The following GLI3 variants were observed in gnomAD, a reference collection of about 807,000 sequenced individuals.
GLI3 encodes transcription activator GLI3.
Under a neutral mutation model 100.8 loss-of-function variants are expected in GLI3, and 20 were observed. The observed-to-expected ratio is 0.20, with a 90% confidence interval of 0.14 to 0.29. The LOEUF is 0.29. Among genes scored for constraint, GLI3 ranks in the 10% least tolerant of loss-of-function variants. GLI3 has a pLI of 1.00. For missense variants in GLI3, 2,040 were observed against 2,128.5 expected (o/e 0.96, Z 0.82); for synonymous variants, 938 against 860.5 (o/e 1.09, Z -1.58).
At chr7:42,166,463 C>A (rs932002046) in intron 2 of GLI3, among the ~76,000 whole-genome samples, 5 of 152,038 alleles carry the variant, frequency 3.3e-5, no homozygotes, top group Admixed American at 2.6e-4. Flanking sequence ...TCTTTCTGAT[C>A]GGGATGAGGC....
intron 3 of GLI3, among the ~76,000 whole-genome samples, chr7:42,112,764 G>T (rs2128767177): frequency 6.6e-6 from 1 of 151,966 alleles, no homozygotes; most frequent in African/African-American, 2.4e-5. Flanking sequence ...TATGAAGAAG[G>T]TACCACTGCC....
chr7:42,109,810 C>T (rs973487861), intron 3 of GLI3, among the ~76,000 whole-genome samples: 2 of 152,180 alleles, frequency 1.3e-5, no homozygotes, highest in Non-Finnish European at 2.9e-5. Flanking sequence ...CTAAAATGGG[C>T]ACAATCAGCA....
At chr7:42,107,556 T>C (rs1785604695) in intron 3 of GLI3, among the ~76,000 whole-genome samples, 1 of 152,140 alleles carries the variant, frequency 6.6e-6, no homozygotes, top group African/African-American at 2.4e-5. Flanking sequence ...AGAATGGCAC[T>C]GAGGGCAGGC....
At chr7:42,192,747 G>A (rs1355724672) in intron 2 of GLI3, among the ~76,000 whole-genome samples, 1 of 152,194 alleles carries the variant, frequency 6.6e-6, no homozygotes, top group African/African-American at 2.4e-5. Context: ...AGGAGGGGAA[G>A]GCCTCCTAAT....
intron 2 of GLI3, among the ~76,000 whole-genome samples, chr7:42,220,143 G>T (rs1583657741): frequency 1.3e-5 from 2 of 152,082 alleles, no homozygotes; most frequent in East Asian, 3.9e-4. Flanking sequence ...TGAGCCACCG[G>T]GCCTGGCCGA....
intron 2 of GLI3, among the ~76,000 whole-genome samples, chr7:42,196,423 G>A (rs567188925): frequency 2.0e-5 from 3 of 152,248 alleles, no homozygotes; most frequent in East Asian, 1.9e-4. Context: ...CTACAAAGGC[G>A]TCCTGATTAA....
chr7:42,206,890 A>C (rs1788167182), intron 2 of GLI3, among the ~76,000 whole-genome samples: 2 of 152,188 alleles, frequency 1.3e-5, no homozygotes. Context: ...TTTTTTAAAA[A>C]AGAGACTTCA....
At chr7:42,035,285 A>C (rs994555996) in intron 7 of GLI3, among the ~76,000 whole-genome samples, 27 of 152,326 alleles carry the variant, frequency 1.8e-4, no homozygotes, top group African/African-American at 6.3e-4. Flanking sequence ...GGAGCTATGG[A>C]GGCCGAGCTG....
At chr7:42,167,551 T>G (rs970721412) in intron 2 of GLI3, among the ~76,000 whole-genome samples, 5 of 152,214 alleles carry the variant, frequency 3.3e-5, no homozygotes, top group African/African-American at 1.2e-4. Context: ...TATATACACT[T>G]GAAAGATTAA....
intron 7 of GLI3, among the ~76,000 whole-genome samples, chr7:42,037,569 G>A (rs1214747686): frequency 6.6e-6 from 1 of 152,132 alleles, no homozygotes; most frequent in Non-Finnish European, 1.5e-5. Context: ...TAGACATATA[G>A]TCCTAAAATA....
chr7:42,091,096 G>A (rs1235399557), intron 3 of GLI3, among the ~76,000 whole-genome samples: 3 of 152,220 alleles, frequency 2.0e-5, no homozygotes. Context: ...GTTACGCGCA[G>A]TAGCCGTCTT....
At chr7:42,039,871 T>C (rs1784095846) in intron 7 of GLI3, among the ~76,000 whole-genome samples, 167 bp downstream of exon 7, 1 of 152,206 alleles carries the variant, frequency 6.6e-6, no homozygotes, top group Admixed American at 6.5e-5. Flanking sequence ...CAATAACTGG[T>C]TTTGCAATTC....
At chr7:42,142,360 C>G (rs1417425947) in intron 3 of GLI3, among the ~76,000 whole-genome samples, 1 of 152,128 alleles carries the variant, frequency 6.6e-6, no homozygotes, top group Non-Finnish European at 1.5e-5. Flanking sequence ...GAAGAGAGGA[C>G]TGGACCAGTG....
At chr7:42,079,667 G>A (rs1310068222) in intron 3 of GLI3, among the ~76,000 whole-genome samples, 1 of 152,162 alleles carries the variant, frequency 6.6e-6, no homozygotes, top group Non-Finnish European at 1.5e-5. Flanking sequence ...CAGTTTATGC[G>A]GCTGTTTTGA....
intron 2 of GLI3, among the ~76,000 whole-genome samples, chr7:42,214,899 G>C (rs938434514): frequency 2.0e-5 from 3 of 149,462 alleles, no homozygotes; most frequent in Non-Finnish European, 1.5e-5. Context: ...AATAGCAGAT[G>C]CTTTAGGTTG....
At chr7:42,096,609 C>T (rs1785343554) in intron 3 of GLI3, among the ~76,000 whole-genome samples, 1 of 152,212 alleles carries the variant, frequency 6.6e-6, no homozygotes, top group East Asian at 1.9e-4. Flanking sequence ...TAAGATCCTC[C>T]AAGAGCGGGT....
intron 2 of GLI3, among the ~76,000 whole-genome samples, chr7:42,208,020 G>T (rs188770264): frequency 7.9e-4 from 120 of 152,190 alleles, no homozygotes; most frequent in Non-Finnish European, 1.3e-3. Context: ...TTAGCGAGGC[G>T]TGGTGGCACG....
chr7:42,040,284 C>G (rs1218573453), intron 6 of GLI3, 45 bp from the exon 7 acceptor site: 4 of 1,344,354 alleles, frequency 3.0e-6, no homozygotes, highest in African/African-American at 2.9e-5. Context: ...CAGTTGGACT[C>G]TATACCAGCT....
At chr7:42,250,296 C>T (rs1789018475) in intron 1 of GLI3, among the ~76,000 whole-genome samples, 1 of 152,148 alleles carries the variant, frequency 6.6e-6, no homozygotes, top group Non-Finnish European at 1.5e-5. Context: ...ACCATACCAA[C>T]AAACCACAAA....
Sources: gnomAD v4.1 joint callset for allele counts (sites outside exome capture counted in the v4.1 genomes callset) on GRCh38, gnomAD v4.1.1 for gene constraint, MANE v1.5 for transcripts, NCBI Gene and HGNC (gene_info 2026-07-23, HGNC 2026-07-21) for gene names.